The following SPRED1 variants were observed in gnomAD, a reference collection of about 807,000 sequenced individuals.
SPRED1 encodes sprouty related EVH1 domain containing 1.
A neutral mutation model predicts 52.3 loss-of-function variants in SPRED1; 18 were observed. The ratio of observed to expected loss-of-function variants is 0.34; its 90% CI spans 0.24 to 0.51. The LOEUF is 0.51. Ranked by LOEUF, SPRED1 falls within the 20% of genes least tolerant of loss-of-function variation. The probability of loss-of-function intolerance (pLI) is 0.97; values close to 1 mark genes in which losing one functional copy is unlikely to be tolerated. For missense variants in SPRED1, 485 were observed against 551.0 expected (o/e 0.88, Z 1.20); for synonymous variants, 155 against 179.7 (o/e 0.86, Z 1.10).
At chr15:38,302,244 T>C (rs1220964002) in intron 2 of SPRED1, among the ~76,000 whole-genome samples, 1 of 152,172 alleles carries the variant, frequency 6.6e-6, no homozygotes, top group African/African-American at 2.4e-5. Flanking sequence ...CTGATAACAA[T>C]AGTGAAGAAG....
chr15:38,284,466 T>C (rs1894762138), intron 1 of SPRED1, among the ~76,000 whole-genome samples: 1 of 152,156 alleles, frequency 6.6e-6, no homozygotes, highest in Non-Finnish European at 1.5e-5. Context: ...TATGATAACA[T>C]GTTTTTTCCT....
Position 38,351,443 on chromosome 15 carries a change from G to T in SPRED1, c.1114G>T (p.Ala372Ser). The change falls in exon 7 of 7, where the codon GCA becomes TCA. Residue 372 changes from alanine to serine, a missense_variant. Ala to Ser is a moderately conservative substitution (Grantham distance 99). Transcript: ENST00000299084. ...CIYQVSCMLC[A>S]ESMLYHCMSD... ...ATATCAAGTTAGTTGCATGCTCTGT[G>T]CAGAGAGCATGTTGTATCATTGTAT... is the stretch of plus-strand genomic sequence containing the variant. 1.2e-6 allele frequency: 2 copies of T among 1,614,144 alleles called. No individual in the cohort carries two copies. The highest frequency in any genetic ancestry group is 1.3e-5 in the African/African-American group (1 of 75,036).
intron 5 of SPRED1, among the ~76,000 whole-genome samples, chr15:38,348,131 A>T (rs534501479): frequency 1.3e-5 from 2 of 151,898 alleles, no homozygotes; most frequent in Non-Finnish European, 2.9e-5. Context: ...ATACTAGTTG[A>T]GGTCATTGTG....
chr15:38,273,679 A>G (rs1247259716), intron 1 of SPRED1, among the ~76,000 whole-genome samples: 1 of 152,042 alleles, frequency 6.6e-6, no homozygotes, highest in East Asian at 1.9e-4. Flanking sequence ...TTAAATTTAA[A>G]TGATAATTTG....
intron 2 of SPRED1, among the ~76,000 whole-genome samples, chr15:38,317,801 C>T (rs368606429): frequency 7.2e-4 from 101 of 139,970 alleles, no homozygotes; most frequent in Admixed American, 1.9e-3. Context: ...TTTCTGCTTT[C>T]TTTTTTTTTT....
chr15:38,324,066 C>T (rs1164800108), intron 3 of SPRED1, among the ~76,000 whole-genome samples: 2 of 152,132 alleles, frequency 1.3e-5, no homozygotes, highest in Non-Finnish European at 2.9e-5. Context: ...TGCTTTTACT[C>T]GACCTTCTGT....
At position 38,278,828 on chromosome 15, in the gene SPRED1, G is replaced by GTTTTGTT. The variant is rs1555388364; in HGVS notation, c.33-20541_33-20540insGTTTTTT. On this transcript the variant is annotated intron_variant, in intron 1 of 6. Coordinates refer to ENST00000299084, the MANE Select transcript of SPRED1 (RefSeq NM_152594.3). ...ACAACCATTATAACCTAACTACACT[G>GTTTTGTT]TTTTTTTTTTTTTTTGTGAAATGAA... Among the ~76,000 whole-genome samples, 2 of 118,248 alleles carry GTTTTGTT rather than the reference G, an allele frequency of 1.7e-5. 1 individual carries two copies. Among genetic ancestry groups the GTTTTGTT allele is most frequent in the Non-Finnish European group, 3.3e-5 (2 of 59,816 alleles). 77.6% of individuals were successfully genotyped at this position (118,248 alleles called of 152,430 possible). A position where few individuals can be genotyped will look rare whatever the true frequency, so the allele number is the denominator to read the frequency against.
chr15:38,267,923 A>G (rs1408803942), intron 1 of SPRED1, among the ~76,000 whole-genome samples: 4 of 152,218 alleles, frequency 2.6e-5, no homozygotes, highest in African/African-American at 9.7e-5. Flanking sequence ...ACATATGAAA[A>G]GATTTAGTGT....
chr15:38,349,304 A>G (rs1896202929), intron 5 of SPRED1, 118 bp from the exon 6 acceptor site: 5 of 738,432 alleles, frequency 6.8e-6, no homozygotes, highest in Non-Finnish European at 1.2e-5. Context: ...TTTATTCTCA[A>G]AACCGTTTTT....
chr15:38,301,819 C>G (rs538702839), intron 2 of SPRED1, among the ~76,000 whole-genome samples: 2 of 152,092 alleles, frequency 1.3e-5, no homozygotes, highest in South Asian at 4.2e-4. Context: ...TGATTTTATT[C>G]ATTGGTTATT....
At chr15:38,342,068 A>T in intron 5 of SPRED1, among the ~76,000 whole-genome samples, 1 of 132,634 alleles carries the variant, frequency 7.5e-6, no homozygotes, top group African/African-American at 2.8e-5. Context: ...TTGTCTTTTA[A>T]TTGGAGTATT....
intron 2 of SPRED1, among the ~76,000 whole-genome samples, chr15:38,306,200 T>C (rs1895247334): frequency 6.6e-6 from 1 of 152,194 alleles, no homozygotes; most frequent in Non-Finnish European, 1.5e-5. Flanking sequence ...AGGTAATCAT[T>C]TCCATGGTAT....
intron 2 of SPRED1, among the ~76,000 whole-genome samples, chr15:38,313,075 GCA>G (rs1183870329): frequency 3.3e-5 from 5 of 151,940 alleles, no homozygotes; most frequent in Non-Finnish European, 5.9e-5. Context: ...GATGTAAGTT[GCA>G]TTACAGCCTG....
intron 2 of SPRED1, among the ~76,000 whole-genome samples, chr15:38,319,032 T>C (rs2140992400): frequency 6.6e-6 from 1 of 152,290 alleles, no homozygotes; most frequent in Non-Finnish European, 1.5e-5. Flanking sequence ...ATATTAATTT[T>C]GTAAAATAGA....
Position 38,357,156 on chromosome 15 carries a change from T to A in SPRED1, c.*5492T>A, listed in dbSNP as rs1888639104. On this transcript the variant is annotated 3_prime_UTR_variant, in exon 7 of 7. Transcript: ENST00000299084. ...ATGGTATGAAAGCTGTAGTCACTCT[T>A]TAAATTGAACTGCTCTAAGATTTGC... 1 of 152,230 alleles carries A rather than the reference T, an allele frequency of 6.6e-6. No individual in the cohort carries two copies. Among genetic ancestry groups the A allele is most frequent in the South Asian group, 2.1e-4 (1 of 4,832 alleles). 9.4% of individuals were successfully genotyped at this position (152,230 alleles called of 1,614,324 possible). A position where few individuals can be genotyped will look rare whatever the true frequency, so the allele number is the denominator to read the frequency against.
chr15:38,276,184 G>C (rs527335632), intron 1 of SPRED1, among the ~76,000 whole-genome samples: 1 of 150,098 alleles, frequency 6.7e-6, no homozygotes, highest in African/African-American at 2.4e-5. Flanking sequence ...ATTTGCATAT[G>C]TACTAGGAGA....
chr15:38,299,208 G>A, intron 1 of SPRED1, 165 bp from the exon 2 acceptor site: 1 of 788,736 alleles, frequency 1.3e-6, no homozygotes, highest in Non-Finnish European at 2.2e-6. Flanking sequence ...TTTGGTTTTT[G>A]ACCTCTTTCA....
chr15:38,331,531 G>A (rs1177082595), intron 4 of SPRED1, among the ~76,000 whole-genome samples: 1 of 152,058 alleles, frequency 6.6e-6, no homozygotes, highest in Non-Finnish European at 1.5e-5. Flanking sequence ...ATTAGTACAG[G>A]TTGAGCATCC....
At chr15:38,350,146 G>A (rs1888452075) in intron 6 of SPRED1, among the ~76,000 whole-genome samples, 1 of 152,152 alleles carries the variant, frequency 6.6e-6, no homozygotes, top group Admixed American at 6.5e-5. Flanking sequence ...AGACTGGGTA[G>A]CTTCAACAAC....
Sources: gnomAD v4.1 joint callset for allele counts (sites outside exome capture counted in the v4.1 genomes callset) on GRCh38, gnomAD v4.1.1 for gene constraint, MANE v1.5 for transcripts, NCBI Gene and HGNC (gene_info 2026-07-23, HGNC 2026-07-21) for gene names.